The following BRPF1 variants were observed in gnomAD, a reference collection of about 807,000 sequenced individuals.
BRPF1 encodes bromodomain and PHD finger containing 1.
Under a neutral mutation model 115.0 loss-of-function variants are expected in BRPF1, and 15 were observed. That is an observed-to-expected ratio of 0.13 (90% CI 0.09 to 0.20). The LOEUF is 0.20. Among genes scored for constraint, BRPF1 ranks in the 10% least tolerant of loss-of-function variants. BRPF1 has a pLI of 1.00. For missense variants in BRPF1, 1,118 were observed against 1,638.3 expected, an observed-to-expected ratio of 0.68 and a Z score of 5.48; for synonymous variants, 647 against 619.8, an observed-to-expected ratio of 1.04 and a Z score of -0.65.
Position 9,747,249 on chromosome 3 carries a change from C to G in BRPF1, c.3563C>G (p.Ser1188Cys). 1 of 1,614,180 alleles carries G rather than the reference C, an allele frequency of 6.2e-7. No individual in the cohort carries two copies. Among genetic ancestry groups the G allele is most frequent in the Non-Finnish European group, 8.5e-7 (1 of 1,180,044 alleles). ...DKEKMLEGRK[S>C]NIRKSVQIAY... ...GAGAAGATGCTGGAGGGCCGCAAGT[C>G]CAACATCCGCAAGTCAGTACAGATC... The change falls in exon 14 of 14, where the codon TCC becomes TGC. Residue 1188 changes from serine to cysteine, a missense_variant. Ser to Cys is a moderately radical substitution (Grantham distance 112). This residue lies in a region of BRPF1 where 76 missense variants were observed against 166.1 expected (regional missense o/e 0.46). Coordinates refer to ENST00000383829, the MANE Select transcript of BRPF1 (RefSeq NM_001003694.2). The surrounding 1 kb of genome is among the most constrained non-coding windows in gnomAD (Gnocchi z 5.6).
At chr3:9,744,876 G>A (rs1559667271) in intron 9 of BRPF1, 132 bp from the exon 10 acceptor site, 2 of 1,254,850 alleles carry the variant, frequency 1.6e-6, no homozygotes, top group Non-Finnish European at 2.3e-6. Context: ...AGCTAGCTCT[G>A]CTGGCCAAGG....
intron 6 of BRPF1, 140 bp downstream of exon 6, chr3:9,742,311 T>C (rs2077045222): frequency 6.7e-7 from 1 of 1,493,542 alleles, no homozygotes; most frequent in Non-Finnish European, 8.9e-7. Flanking sequence ...TGGAGCCACA[T>C]GTATCACCTG....
rs1392928827 is a variant in BRPF1, at chr3:9,745,655, G to A, written c.3151G>A (p.Gly1051Ser). The change falls in exon 11 of 14, where the codon GGC becomes AGC. Residue 1051 changes from glycine to serine, a missense_variant. Coordinates refer to ENST00000383829, the MANE Select transcript of BRPF1 (RefSeq NM_001003694.2). This position sits in a 1 kb window ranked among gnomAD's most constrained non-coding sequence, Gnocchi z 5.1. ...FPEDSSEDTSGTENEAYSVGT... is the reference protein window; with the variant it reads ...FPEDSSEDTSSTENEAYSVGT... ...AGAGGACAGCAGTGAGGATACCTCA[G>A]GCACTGAGAATGAGGCCTACTCCGT... 1 of 1,614,260 alleles carries A rather than the reference G, an allele frequency of 6.2e-7. No individual in the cohort carries two copies. Among genetic ancestry groups the A allele is most frequent in the Non-Finnish European group, 8.5e-7 (1 of 1,180,056 alleles).
At position 9,734,294 on chromosome 3, in the gene BRPF1, C is replaced by G. The variant is rs1176835369; in HGVS notation, c.154C>G (p.Pro52Ala). The G allele has an allele frequency of 6.2e-7, 1 of 1,614,106 alleles. No individual in the cohort carries two copies. Among genetic ancestry groups the G allele is most frequent in the South Asian group, 1.1e-5 (1 of 91,074 alleles). Residue 52 changes from proline to alanine, a missense_variant, in exon 2 of 14, where the codon CCC becomes GCC. Pro to Ala is a conservative substitution (Grantham distance 27). Coordinates refer to ENST00000383829, the MANE Select transcript of BRPF1 (RefSeq NM_001003694.2). The surrounding 1 kb of genome is among the most constrained non-coding windows in gnomAD (Gnocchi z 5.7). The stretch of plus-strand genomic sequence containing the variant: ...CCACTATGACCACGACAACCCACCA[C>G]CCCCACAACAAACTCCACTCCGCAA... ...LYHYDHDNPP[P>A]PQQTPLRKHK...
At chr3:9,736,507 A>T (rs1171017233) in intron 2 of BRPF1, among the ~76,000 whole-genome samples, 1 of 151,520 alleles carries the variant, frequency 6.6e-6, no homozygotes, top group African/African-American at 2.4e-5. Flanking sequence ...CCTCTGCCCT[A>T]CTCCAAACAC....
chr3:9,738,685 A>G (rs2076980989), intron 2 of BRPF1, among the ~76,000 whole-genome samples: 1 of 152,238 alleles, frequency 6.6e-6, no homozygotes, highest in African/African-American at 2.4e-5. Flanking sequence ...CTGCAACCCC[A>G]AGAAGATGGT....
rs542099361 is a variant in BRPF1 at position 9,741,592 on chromosome 3, G to A, written c.1854+153G>A. ...GAGGGGTTTGCAGTGAGCCAAGATC[G>A]TGCCACTGTACTCCAGCCTGGGCGA... On this transcript the variant is annotated intron_variant, in intron 5 of 13. Coordinates refer to ENST00000383829, the MANE Select transcript of BRPF1 (RefSeq NM_001003694.2). Among the ~76,000 whole-genome samples the A allele has an allele frequency of 2.0e-4, 30 of 149,760 alleles. No homozygotes were observed. The South Asian group carries it at 5.5e-3, about 27-fold the overall frequency.
rs748562779 is a variant in BRPF1, at chr3:9,734,224, C to T, written c.84C>T (p.Cys28=). ...CATACGAGTGCCCGGTGGAGACCTG[C>T]CGAAAGGTCTACAAGAGTTACAGTG... ...KPPYECPVET[C]RKVYKSYSGI... The change falls in exon 2 of 14, where the codon TGC becomes TGT. Residue 28 remains cysteine (C), a synonymous_variant. Transcript: ENST00000383829. The surrounding 1 kb of genome is among the most constrained non-coding windows in gnomAD (Gnocchi z 5.7). 9 of 1,614,080 alleles carry T rather than the reference C, an allele frequency of 5.6e-6. No individual in the cohort carries two copies. The South Asian group carries it at 6.6e-5, about 12-fold the overall frequency.
At chr3:9,738,550 A>T (rs894801418) in intron 2 of BRPF1, among the ~76,000 whole-genome samples, 2 of 152,212 alleles carry the variant, frequency 1.3e-5, no homozygotes, top group Non-Finnish European at 2.9e-5. Flanking sequence ...AACAACTTAT[A>T]TGTAATTTGT....
At position 9,734,051 on chromosome 3, in the gene BRPF1, G is replaced by A. The variant is rs1559653810; in HGVS notation, c.-10-80G>A. The A allele has an allele frequency of 1.3e-6, 2 of 1,511,290 alleles. No individual in the cohort carries two copies. The highest frequency in any genetic ancestry group is 1.8e-6 in the Non-Finnish European group (2 of 1,135,188). The allele number at this position is 1,511,290 out of a possible 1,614,324, so 93.6% of individuals were successfully genotyped here. On this transcript the variant is annotated intron_variant, in intron 1 of 13. Coordinates refer to ENST00000383829, the MANE Select transcript of BRPF1 (RefSeq NM_001003694.2). The surrounding 1 kb of genome is among the most constrained non-coding windows in gnomAD (Gnocchi z 5.7). ...TCTGGTGACTCCAAGTGAGGGGGAG[G>A]GCTAGAAAGACTGGGGTCTCTGGTG...
Position 9,734,202 on chromosome 3 carries a change from A to T in BRPF1, c.62A>T (p.Tyr21Phe). The T allele has an allele frequency of 6.2e-7, 1 of 1,613,978 alleles. No individual in the cohort carries two copies. Among genetic ancestry groups the T allele is most frequent in the Non-Finnish European group, 8.5e-7 (1 of 1,179,914 alleles). ...AACTTGCGGGCGACTAAGCCACCAT[A>T]CGAGTGCCCGGTGGAGACCTGCCGA... ...CHNLRATKPP[Y>F]ECPVETCRKV... Residue 21 changes from tyrosine (Y) to phenylalanine (F), a missense_variant, in exon 2 of 14, where the codon TAC (tyrosine) becomes TTC (phenylalanine). Around this residue, in one of 10 missense-constraint regions of BRPF1, gnomAD observed 280 missense variants for 382.8 expected, o/e 0.73. Transcript: ENST00000383829. This position sits in a 1 kb window ranked among gnomAD's most constrained non-coding sequence, Gnocchi z 5.7.
rs538217554 is a variant in BRPF1, at chr3:9,745,196, C to T, written c.3068+41C>T. The T allele has an allele frequency of 1.9e-6, 3 of 1,600,174 alleles. No homozygotes were observed. The highest frequency in any genetic ancestry group is 2.2e-5 in the South Asian group (2 of 89,530). On this transcript the variant is annotated intron_variant, in intron 10 of 13. Coordinates refer to ENST00000383829, the MANE Select transcript of BRPF1 (RefSeq NM_001003694.2). This position sits in a 1 kb window ranked among gnomAD's most constrained non-coding sequence, Gnocchi z 5.1. ...ATCGAGGCCAACCTCAGGGGATGCC[C>T]TTCCAGGGCTCTTGGGCCTGTGTAG...
intron 4 of BRPF1, 65 bp from the exon 5 acceptor site, chr3:9,741,243 C>G (rs749070242): frequency 8.1e-5 from 123 of 1,513,578 alleles, no homozygotes; most frequent in Non-Finnish European, 1.1e-4. Context: ...CCTGGGCTCT[C>G]TTCTCCCTGT....
At chr3:9,736,090 C>T (rs1479330946) in intron 2 of BRPF1, among the ~76,000 whole-genome samples, 1 of 138,984 alleles carries the variant, frequency 7.2e-6, no homozygotes, top group Non-Finnish European at 1.5e-5. Context: ...CGGCTCACTG[C>T]GACCTCCACT....
intron 12 of BRPF1, 76 bp downstream of exon 12, chr3:9,746,006 C>A: frequency 2.0e-6 from 3 of 1,484,038 alleles, no homozygotes; most frequent in Non-Finnish European, 2.8e-6. Context: ...TTTTCCTACT[C>A]CCTGCTGAGC....
intron 1 of BRPF1, among the ~76,000 whole-genome samples, 180 bp downstream of exon 1, chr3:9,732,318 C>T (rs532501401): frequency 2.6e-5 from 4 of 152,328 alleles, no homozygotes; most frequent in African/African-American, 9.6e-5. Context: ...TTCGGGGCTG[C>T]CCGGGCTAGT....
rs1381597393 is a variant in BRPF1 at position 9,734,356 on chromosome 3, C to G, written c.216C>G (p.Asn72Lys). The change falls in exon 2 of 14, where the codon AAC becomes AAG. Residue 72 changes from asparagine to lysine, a missense_variant. Physicochemically the swap from Asn to Lys is moderately conservative, Grantham distance 94 (BLOSUM62 0). Around this residue, in one of 10 missense-constraint regions of BRPF1, gnomAD observed 280 missense variants for 382.8 expected, o/e 0.73. Transcript: ENST00000383829. The surrounding 1 kb of genome is among the most constrained non-coding windows in gnomAD (Gnocchi z 5.7). ...KKKGRQSRPA[N>K]KQSPSPSEVS... ...AGGGGCGCCAGTCACGCCCAGCCAACAAGCAGTCACCCAGCCCCTCAGAGG... is the reference window on the plus strand; with the variant it reads ...AGGGGCGCCAGTCACGCCCAGCCAAGAAGCAGTCACCCAGCCCCTCAGAGG... 1 of 1,614,014 alleles carries G rather than the reference C, an allele frequency of 6.2e-7. No individual in the cohort carries two copies. Among genetic ancestry groups the G allele is most frequent in the South Asian group, 1.1e-5 (1 of 91,090 alleles).
Position 9,745,519 on chromosome 3 carries a change from C to G in BRPF1, c.3069-54C>G. Reference sequence around the variant, plus strand: ...TTAAGAGCTGAGGGCACATACCATGCTGTTCCCCATTCTTCCCCTCCTTTG... The same window carrying G: ...TTAAGAGCTGAGGGCACATACCATGGTGTTCCCCATTCTTCCCCTCCTTTG... On this transcript the variant is annotated intron_variant, in intron 10 of 13. Coordinates refer to ENST00000383829, the MANE Select transcript of BRPF1 (RefSeq NM_001003694.2). This position sits in a 1 kb window ranked among gnomAD's most constrained non-coding sequence, Gnocchi z 5.1. The G allele has an allele frequency of 6.3e-7, 1 of 1,582,578 alleles. No homozygotes were observed. Among genetic ancestry groups the G allele is most frequent in the Non-Finnish European group, 8.7e-7 (1 of 1,152,354 alleles).
At chr3:9,742,901 G>T in intron 6 of BRPF1, 43 bp from the exon 7 acceptor site, 4 of 1,586,074 alleles carry the variant, frequency 2.5e-6, no homozygotes, top group Non-Finnish European at 3.4e-6. Context: ...GGGGCAATAA[G>T]GAGGATATCT....
Sources: allele counts gnomAD v4.1 joint callset (sites outside exome capture counted in the v4.1 genomes callset), GRCh38; gene constraint gnomAD v4.1.1; regional missense constraint gnomAD v4.1.1; non-coding constraint Gnocchi (gnomAD v3.1); transcripts MANE v1.5; gene names NCBI Gene and HGNC (gene_info 2026-07-23, HGNC 2026-07-21).